Variants in MRO observed in about 807,000 individuals in gnomAD.
MRO encodes the protein protein maestro.
Under a neutral mutation model 31.0 loss-of-function variants are expected in MRO, and 28 were observed. That is an observed-to-expected ratio of 0.90 (90% CI 0.67 to 1.24). The LOEUF is 1.24. Ranked by LOEUF, MRO falls within the 50% of genes most tolerant of loss-of-function variation. The probability of loss-of-function intolerance (pLI) is 0.00; values close to 1 mark genes in which losing one functional copy is unlikely to be tolerated. For missense variants in MRO, 332 were observed against 289.2 expected (o/e 1.15, Z -1.07); for synonymous variants, 108 against 108.4 (o/e 1.00, Z 0.02).
intron 2 of MRO, 47 bp from the exon 3 acceptor site, chr18:50,809,451 A>G: frequency 7.8e-7 from 1 of 1,289,672 alleles, no homozygotes; most frequent in Non-Finnish European, 1.1e-6. Context: ...GACACTCATC[A>G]TCAACAAACA....
chr18:50,823,013 G>T (rs9959521), upstream of MRO, among the ~76,000 whole-genome samples: 1 of 152,002 alleles, frequency 6.6e-6, no homozygotes, highest in Admixed American at 6.6e-5. Flanking sequence ...GCAGTCACTC[G>T]GGAAAACCCT....
chr18:50,815,929 G>T (rs1176932881), intron 2 of MRO, among the ~76,000 whole-genome samples: 1 of 152,160 alleles, frequency 6.6e-6, no homozygotes, highest in Non-Finnish European at 1.5e-5. Context: ...AGCTACTTGG[G>T]AGGCTGAGGC....
chr18:50,801,488 C>G lies in MRO; in HGVS notation c.446G>C (p.Arg149Thr). Residue 149 changes from arginine to threonine, a missense_variant, in exon 6 of 8, where the codon AGA becomes ACA. Arg to Thr is a moderately conservative substitution (Grantham distance 71, BLOSUM62 -1). Coordinates refer to ENST00000398439, the MANE Select transcript of MRO (RefSeq NM_031939.6). ...CCCAAACAAAACAAAGGCCGAGTATCTCAGACTGTCGTTCTCCTGCGGTCC... is the reference window on the plus strand; with the variant it reads ...CCCAAACAAAACAAAGGCCGAGTATGTCAGACTGTCGTTCTCCTGCGGTCC... ...TLLDDENDSL[R>T]YSAFVLFGQL... 6.3e-7 allele frequency: 1 copy of G among 1,598,986 alleles called. No homozygotes were observed. Among genetic ancestry groups the G allele is most frequent in the South Asian group, 1.1e-5 (1 of 88,324 alleles).
At position 50,819,578 on chromosome 18, in the gene MRO, T is replaced by C. The variant is rs1220613679; in HGVS notation, c.-5+3A>G. 1.3e-6 allele frequency: 2 copies of C among 1,551,612 alleles called. No homozygotes were observed. The highest frequency in any genetic ancestry group is 2.4e-5 in the East Asian group (1 of 40,912). ...GGCTGCCCCGGCCAACAGTGTCCCT[T>C]ACCTGCGGCTCCTGCAGGCGGCTGC... On this transcript the variant is annotated splice_donor_region_variant and intron_variant, in intron 2 of 7. Coordinates refer to ENST00000398439, the MANE Select transcript of MRO (RefSeq NM_031939.6).
At chr18:50,807,208 C>G (rs1033971681) in intron 3 of MRO, among the ~76,000 whole-genome samples, 1 of 152,056 alleles carries the variant, frequency 6.6e-6, no homozygotes, top group African/African-American at 2.4e-5. Context: ...AAAGGTGTGC[C>G]GTTACTCCTC....
At chr18:50,812,800 C>A (rs560228557) in intron 2 of MRO, among the ~76,000 whole-genome samples, 1 of 152,060 alleles carries the variant, frequency 6.6e-6, no homozygotes, top group Non-Finnish European at 1.5e-5. Flanking sequence ...CCATTCTTAA[C>A]CCTGGCTACA....
intron 3 of MRO, among the ~76,000 whole-genome samples, chr18:50,808,548 T>G (rs1473526070): frequency 6.6e-6 from 1 of 151,152 alleles, no homozygotes; most frequent in African/African-American, 2.4e-5. Context: ...AGCCCCTACT[T>G]CCTGGGCTCA....
chr18:50,811,746 C>CTTTTTT (rs71171344), intron 2 of MRO, among the ~76,000 whole-genome samples: 45 of 80,154 alleles, frequency 5.6e-4, no homozygotes, highest in East Asian at 8.8e-4. Flanking sequence ...TGTGGTAATT[C>CTTTTTT]TTTTTTTTTT....
chr18:50,815,691 G>C (rs377219191), intron 2 of MRO: 3 of 430,558 alleles, frequency 7.0e-6, no homozygotes, highest in South Asian at 3.6e-5. Context: ...TGACCGTTAT[G>C]GATCTGGTAG....
chr18:50,815,903 G>A (rs981447233), intron 2 of MRO, among the ~76,000 whole-genome samples: 5 of 152,014 alleles, frequency 3.3e-5, no homozygotes, highest in South Asian at 4.2e-4. Context: ...GCATGGTGGC[G>A]GGTGCCTGTA....
intron 2 of MRO, 150 bp downstream of exon 2, chr18:50,819,431 T>C: frequency 1.4e-6 from 2 of 1,434,500 alleles, no homozygotes; most frequent in Non-Finnish European, 1.8e-6. Context: ...ACTTCAGTTT[T>C]ACAAAGAGAA....
intron 5 of MRO, 82 bp from the exon 6 acceptor site, chr18:50,801,586 GTCAGAACACATCACAGCCGTCAA>G (rs1356482073): frequency 1.0e-5 from 13 of 1,301,090 alleles, no homozygotes; most frequent in East Asian, 7.0e-5. Flanking sequence ...ACAGCCATCG[GTCAGAACACATCACAGCCGTCAA>G]TCAGAACACA....
rs571695827 is a variant in MRO, at chr18:50,808,949, A to C, written c.99+353T>G. On this transcript the variant is annotated intron_variant, in intron 3 of 7. Coordinates refer to ENST00000398439, the MANE Select transcript of MRO (RefSeq NM_031939.6). ...TCAGGAGATCGAGACCATCCTGGCT[A>C]ACAAGGTGAAACCCCGTCTCTACTA... 3.3e-3 allele frequency among the ~76,000 whole-genome samples: 501 copies of C among 150,954 alleles called. 4 individuals carry two copies. The highest frequency in any genetic ancestry group is 0.012 in the African/African-American group (477 of 41,216).
chr18:50,814,369 T>C (rs990906544), intron 2 of MRO: 9 of 151,402 alleles, frequency 5.9e-5, no homozygotes, highest in Non-Finnish European at 8.8e-5. Context: ...CTGCAGCCAG[T>C]GAAGGTGGGG....
At chr18:50,814,155 C>G (rs904818559) in intron 2 of MRO, among the ~76,000 whole-genome samples, 1 of 151,980 alleles carries the variant, frequency 6.6e-6, no homozygotes, top group East Asian at 1.9e-4. Flanking sequence ...TACAGGGAGA[C>G]TAAAAGACGT....
chr18:50,800,911 G>A (rs1465266220), intron 6 of MRO, among the ~76,000 whole-genome samples: 9 of 149,270 alleles, frequency 6.0e-5, no homozygotes, highest in African/African-American at 2.2e-4. Flanking sequence ...AAGAAAGAAC[G>A]AAGGAAGAAA....
intron 2 of MRO, among the ~76,000 whole-genome samples, chr18:50,811,416 C>T (rs943420886): frequency 2.4e-4 from 36 of 152,282 alleles, no homozygotes; most frequent in African/African-American, 7.7e-4. Context: ...TATGGATTTA[C>T]CTATTCTGAA....
At chr18:50,805,383 C>T (rs377710556) in intron 4 of MRO, 47 bp from the exon 5 acceptor site, 9 of 1,551,730 alleles carry the variant, frequency 5.8e-6, no homozygotes, top group African/African-American at 1.4e-5. Context: ...AACTGCTCCC[C>T]ATAGGTTGAA....
At chr18:50,817,223 G>A (rs1471635587) in intron 2 of MRO, among the ~76,000 whole-genome samples, 1 of 152,192 alleles carries the variant, frequency 6.6e-6, no homozygotes, top group Non-Finnish European at 1.5e-5. Flanking sequence ...AAACTGTGAT[G>A]TGGTTTAATC....
Sources: allele counts gnomAD v4.1 joint callset (sites outside exome capture counted in the v4.1 genomes callset), GRCh38; gene constraint gnomAD v4.1.1; transcripts MANE v1.5; gene names NCBI Gene and HGNC (gene_info 2026-07-23, HGNC 2026-07-21).